DIAPH2: variants seen among roughly 807,000 people sequenced by gnomAD.
The protein encoded by DIAPH2 is diaphanous related formin 2.
In DIAPH2, 35 loss-of-function variants were observed where a neutral mutation model predicts 92.7. That is an observed-to-expected ratio of 0.38 (90% CI 0.29 to 0.50). The LOEUF (loss-of-function observed/expected upper bound fraction) is 0.50. Ranked by LOEUF, DIAPH2 falls within the 20% of genes least tolerant of loss-of-function variation. The pLI, the probability that DIAPH2 is intolerant of heterozygous loss-of-function variation, is 0.94. For missense variants in DIAPH2, 701 were observed against 819.5 expected (o/e 0.86, Z 1.77); for synonymous variants, 301 against 280.4 (o/e 1.07, Z -0.73).
chrX:96,987,361 T>C (rs1169841826), intron 17 of DIAPH2, among the ~76,000 whole-genome samples: 1 of 111,661 alleles, frequency 9.0e-6, no homozygotes, highest in Non-Finnish European at 1.9e-5. Context: ...CAAATATGTA[T>C]TGAATTTCTA....
intron 22 of DIAPH2, among the ~76,000 whole-genome samples, chrX:97,220,487 T>C (rs1017596451): frequency 1.8e-5 from 2 of 111,822 alleles, no homozygotes; most frequent in Non-Finnish European, 3.8e-5. Context: ...TAAACACTTC[T>C]GTTCCACCAT....
intron 3 of DIAPH2, among the ~76,000 whole-genome samples, chrX:96,757,309 T>C (rs2064237571): frequency 1.8e-5 from 2 of 111,786 alleles, no homozygotes; most frequent in African/African-American, 3.3e-5. Flanking sequence ...AAAAGTTCTT[T>C]GTATATCTGG....
intron 23 of DIAPH2, among the ~76,000 whole-genome samples, chrX:97,291,932 G>A (rs769275940): frequency 8.9e-6 from 1 of 111,740 alleles, no homozygotes; most frequent in South Asian, 3.7e-4. Flanking sequence ...TACAGATAAG[G>A]AAACAGTTAA....
At chrX:97,451,256 TC>T (rs1340061232) in intron 26 of DIAPH2, among the ~76,000 whole-genome samples, 1 of 111,811 alleles carries the variant, frequency 8.9e-6, no homozygotes, top group African/African-American at 3.2e-5. Flanking sequence ...TTCAGTATCT[TC>T]CCATTTCTTC....
intron 4 of DIAPH2, among the ~76,000 whole-genome samples, chrX:96,846,464 A>G (rs749452762): frequency 2.7e-5 from 3 of 112,288 alleles, no homozygotes; most frequent in South Asian, 7.4e-4. Context: ...TATACTTTAA[A>G]TATTTTTATT....
intron 15 of DIAPH2, chrX:96,954,250 C>A (rs1457143835): frequency 8.9e-6 from 1 of 112,042 alleles, no homozygotes; most frequent in Non-Finnish European, 1.9e-5. Context: ...AATGTCGTAT[C>A]TTGATTAAAA....
intron 23 of DIAPH2, among the ~76,000 whole-genome samples, chrX:97,279,895 CT>C (rs1221951660): frequency 2.7e-5 from 3 of 111,586 alleles, no homozygotes; most frequent in Non-Finnish European, 5.6e-5. Flanking sequence ...TTCCTCTTGG[CT>C]TGGTTGCAGT....
chrX:97,099,679 T>A lies in DIAPH2; in HGVS notation c.2248-15T>A. On this transcript the variant is annotated splice_polypyrimidine_tract_variant and intron_variant, in intron 19 of 26. Transcript: ENST00000324765. The stretch of plus-strand genomic sequence containing the variant: ...TACTAAAACACTAAACTTTTATACT[T>A]TTATTTCTTTTTAGAACCTTGTGAA... 1.8e-6 allele frequency: 2 copies of A among 1,107,978 alleles called. No individual in the cohort carries two copies. The highest frequency in any genetic ancestry group is 1.2e-6 in the Non-Finnish European group (1 of 832,835). The allele number at this position is 1,107,978 out of a possible 1,213,427, so 91.3% of individuals were successfully genotyped here.
chrX:97,579,852 G>A (rs1477536859), intron 26 of DIAPH2, among the ~76,000 whole-genome samples: 10 of 109,566 alleles, frequency 9.1e-5, no homozygotes, highest in Non-Finnish European at 1.3e-4. Flanking sequence ...CTTGAGCAGC[G>A]GTTTGTAGTT....
At chrX:97,001,537 T>C (rs1048442520) in intron 17 of DIAPH2, among the ~76,000 whole-genome samples, 1 of 110,377 alleles carries the variant, frequency 9.1e-6, no homozygotes, top group African/African-American at 3.3e-5. Flanking sequence ...TCCCAGCTAC[T>C]CGGGTGGCTG....
intron 23 of DIAPH2, among the ~76,000 whole-genome samples, chrX:97,311,303 A>T (rs1174231667): frequency 8.9e-6 from 1 of 111,934 alleles, no homozygotes; most frequent in Non-Finnish European, 1.9e-5. Flanking sequence ...CCTAGATATG[A>T]TGTAAATGCC....
intron 17 of DIAPH2, among the ~76,000 whole-genome samples, chrX:97,035,131 A>G (rs896307080): frequency 8.9e-6 from 1 of 111,811 alleles, no homozygotes; most frequent in East Asian, 2.8e-4. Flanking sequence ...GCAGTGCTCA[A>G]ATGAACTATA....
intron 19 of DIAPH2, among the ~76,000 whole-genome samples, chrX:97,097,956 ATG>A: frequency 8.9e-6 from 1 of 112,035 alleles, no homozygotes; most frequent in East Asian, 2.8e-4. Flanking sequence ...GTATTCATAT[ATG>A]TGGTTATATC....
At chrX:96,743,805 T>G (rs1389666782) in intron 3 of DIAPH2, among the ~76,000 whole-genome samples, 2 of 111,348 alleles carry the variant, frequency 1.8e-5, no homozygotes, top group Non-Finnish European at 1.9e-5. Flanking sequence ...GACTATTGTA[T>G]TTTTGAAAAA....
intron 1 of DIAPH2, among the ~76,000 whole-genome samples, chrX:96,727,399 T>G (rs929555099): frequency 8.9e-6 from 1 of 111,986 alleles, no homozygotes; most frequent in African/African-American, 3.2e-5. Flanking sequence ...TTCCTTGTGG[T>G]TTTCAAGACT....
chrX:96,751,010 A>G (rs1478209288), intron 3 of DIAPH2, among the ~76,000 whole-genome samples: 1 of 112,462 alleles, frequency 8.9e-6, no homozygotes, highest in Non-Finnish European at 1.9e-5. Context: ...AGTATCACTA[A>G]GGTACTGGAT....
intron 26 of DIAPH2, among the ~76,000 whole-genome samples, chrX:97,476,443 A>G (rs2070604042): frequency 1.8e-5 from 2 of 111,995 alleles, no homozygotes; most frequent in South Asian, 7.5e-4. Flanking sequence ...CCTTGTATAC[A>G]ATACATGTCT....
At chrX:97,211,036 GCCCAT>G (rs1430029425) in intron 22 of DIAPH2, among the ~76,000 whole-genome samples, 2 of 111,468 alleles carry the variant, frequency 1.8e-5, no homozygotes, top group Non-Finnish European at 3.8e-5. Context: ...GCTAAAATAG[GCCCAT>G]GGGGTAGGGA....
chrX:97,332,101 C>T (rs185717867), intron 23 of DIAPH2, among the ~76,000 whole-genome samples: 6 of 111,195 alleles, frequency 5.4e-5, no homozygotes, highest in Middle Eastern at 4.7e-3. Flanking sequence ...TAGGGAGTTT[C>T]CTACACTAAA....
Sources: allele counts gnomAD v4.1 joint callset (sites outside exome capture counted in the v4.1 genomes callset), GRCh38; gene constraint gnomAD v4.1.1; transcripts MANE v1.5; gene names NCBI Gene and HGNC (gene_info 2026-07-23, HGNC 2026-07-21).